NFE2L3: variants seen among roughly 807,000 people sequenced by gnomAD.
NFE2L3 encodes the protein NFE2 like bZIP transcription factor 3.
Under a neutral mutation model 23.5 loss-of-function variants are expected in NFE2L3, and 18 were observed. That is an observed-to-expected ratio of 0.77 (90% CI 0.53 to 1.13). The LOEUF (loss-of-function observed/expected upper bound fraction) is 1.13. NFE2L3 is among the 50% of genes most tolerant of loss of function. The pLI is 0.00. For missense variants in NFE2L3, 1,152 were observed against 877.2 expected (o/e 1.31, Z -3.96); for synonymous variants, 424 against 354.5 (o/e 1.20, Z -2.20).
rs1204575920 is a variant in NFE2L3, at chr7:26,159,790, C to T, written c.570+6722C>T. On this transcript the variant is annotated intron_variant, in intron 1 of 3. Transcript: ENST00000056233. ...CTTGGGATTGCCTAAAGTTATATAG[C>T]AAGTTAGTGACCTTGCTAGGAATAG... is the stretch of plus-strand genomic sequence containing the variant. Among the ~76,000 whole-genome samples, 6 of 152,116 alleles carry T rather than the reference C, an allele frequency of 3.9e-5. No homozygotes were observed. In the East Asian group the frequency reaches 1.2e-3, roughly 29 times the overall value.
chr7:26,177,949 G>T lies in NFE2L3; in HGVS notation c.577G>T (p.Gly193Trp). 2.5e-6 allele frequency: 4 copies of T among 1,611,438 alleles called. No individual in the cohort carries two copies. The highest frequency in any genetic ancestry group is 3.4e-6 in the Non-Finnish European group (4 of 1,179,166). The part of the protein sequence containing the change: ...DAGGCASEEN[G>W]VLREKHEAVD... ...AAATTTCGTACTTTTATAGGAGAAT[G>T]GGGTACTAAGAGAAAAGCACGAAGC... The change falls in exon 2 of 4, where the codon GGG becomes TGG. Residue 193 changes from glycine (G) to tryptophan (W), a missense_variant. By Grantham distance (184) the Gly-to-Trp change is radical (BLOSUM62 -2). Transcript: ENST00000056233.
chr7:26,185,110 A>G lies in NFE2L3; in HGVS notation c.1412A>G (p.Glu471Gly). ...LEGAVGGYYP[E>G]PSKLCHLDQS... is the part of the protein sequence containing the mutation. The stretch of plus-strand genomic sequence containing the variant: ...GGTGCTGTAGGTGGCTACTACCCAG[A>G]ACCCAGTAAGCTTTGTCACTTGGAT... Residue 471 changes from glutamate (E) to glycine (G), a missense_variant, in exon 4 of 4, where the codon GAA (glutamate) becomes GGA (glycine). Physicochemically the swap from Glu to Gly is moderately conservative, Grantham distance 98. Transcript: ENST00000056233. 2 of 1,613,946 alleles carry G rather than the reference A, an allele frequency of 1.2e-6. No individual in the cohort carries two copies. The highest frequency in any genetic ancestry group is 2.7e-5 in the African/African-American group (2 of 75,042).
Position 26,152,732 on chromosome 7 carries a change from C to T in NFE2L3, c.234C>T (p.Gly78=), listed in dbSNP as rs2128096609. 2.0e-6 allele frequency: 3 copies of T among 1,473,714 alleles called. No homozygotes were observed. Among genetic ancestry groups the T allele is most frequent in the Non-Finnish European group, 2.7e-6 (3 of 1,119,808 alleles). The allele number at this position is 1,473,714 out of a possible 1,614,324, so 91.3% of individuals were successfully genotyped here. A position where few individuals can be genotyped will look rare whatever the true frequency, so the allele number is the denominator to read the frequency against. Residue 78 remains glycine (G), a synonymous_variant, in exon 1 of 4, where the codon GGC becomes GGT. Transcript: ENST00000056233. The surrounding 1 kb of genome is among the most constrained non-coding windows in gnomAD (Gnocchi z 4.4). ...WGRAGHLHPK[G]RELDPAAPPE... is the part of the protein sequence containing the mutation. Reference sequence around the variant, plus strand: ...GCGCGGGCCACTTGCACCCCAAGGGCCGGGAGCTGGACCCTGCCGCGCCGC... The same window carrying T: ...GCGCGGGCCACTTGCACCCCAAGGGTCGGGAGCTGGACCCTGCCGCGCCGC...
chr7:26,167,686 G>C (rs1385083071), intron 1 of NFE2L3, among the ~76,000 whole-genome samples: 2 of 152,144 alleles, frequency 1.3e-5, no homozygotes, highest in Non-Finnish European at 2.9e-5. Flanking sequence ...AACATACTCT[G>C]TATCTCAGCT....
chr7:26,157,661 G>GCCAC (rs1784103384), intron 1 of NFE2L3, among the ~76,000 whole-genome samples: 1 of 152,168 alleles, frequency 6.6e-6, no homozygotes, highest in Non-Finnish European at 1.5e-5. Context: ...TTCACAGTGG[G>GCCAC]ATTTTCATTT....
intron 2 of NFE2L3, among the ~76,000 whole-genome samples, chr7:26,181,960 GAC>G (rs1335476840): frequency 6.6e-6 from 1 of 151,898 alleles, no homozygotes; most frequent in Non-Finnish European, 1.5e-5. Context: ...GCAAAATTGA[GAC>G]AATGATAGAA....
chr7:26,185,185 A>AT lies in NFE2L3; in HGVS notation c.1488dup (p.Asn497Ter), dbSNP rs1562680830. On this transcript the variant is annotated frameshift_variant, in exon 4 of 4. Transcript: ENST00000056233. LOFTEE classifies it low-confidence loss of function (END_TRUNC). ...GATCTTACATTTCAACACGTATTTC[A>AT]TAACCACACTTACCACTTACAGCCA... is the stretch of plus-strand genomic sequence containing the variant. The AT allele has an allele frequency of 5.0e-6, 8 of 1,613,878 alleles. No individual in the cohort carries two copies. Among genetic ancestry groups the AT allele is most frequent in the Non-Finnish European group, 6.8e-6 (8 of 1,179,848 alleles).
In NFE2L3 at chr7:26,152,440, C is replaced by T. The variant is rs914220151; in HGVS notation, c.-59C>T. 9.2e-5 allele frequency: 109 copies of T among 1,178,974 alleles called. No homozygotes were observed. Among genetic ancestry groups the T allele is most frequent in the Non-Finnish European group, 1.1e-4 (106 of 943,892 alleles). The allele number at this position is 1,178,974 out of a possible 1,614,324, so 73.0% of individuals were successfully genotyped here. ...GCGGGGTCCGCACGTGTCACCCCGGCGGCTGGGGCGCCGGGACCCGCGGGC... is the reference window on the plus strand; with the variant it reads ...GCGGGGTCCGCACGTGTCACCCCGGTGGCTGGGGCGCCGGGACCCGCGGGC... On this transcript the variant is annotated 5_prime_UTR_variant, in exon 1 of 4. Transcript: ENST00000056233. This position sits in a 1 kb window ranked among gnomAD's most constrained non-coding sequence, Gnocchi z 4.4.
At chr7:26,179,721 A>G (rs1226280096) in intron 2 of NFE2L3, among the ~76,000 whole-genome samples, 1 of 152,098 alleles carries the variant, frequency 6.6e-6, no homozygotes, top group African/African-American at 2.4e-5. Flanking sequence ...AGAAAAATCC[A>G]AAACAAAACA....
chr7:26,185,548 A>C lies in NFE2L3; in HGVS notation c.1850A>C (p.Lys617Thr), dbSNP rs76410837. 727 of 1,613,894 alleles carry C rather than the reference A, an allele frequency of 4.5e-4. 4 individuals are homozygous for C. In the East Asian group the frequency reaches 0.014, roughly 30 times the overall value. The change falls in exon 4 of 4, where the codon AAG (lysine) becomes ACG (threonine). Residue 617 changes from lysine (K) to threonine (T), a missense_variant. By Grantham distance (78) the Lys-to-Thr change is moderately conservative (BLOSUM62 -1). Transcript: ENST00000056233. ...EDDVCNLQAK[K>T]ETLKREQAQC... ...GATGTATGTAACTTGCAAGCAAAGA[A>C]GGAAACTCTTAAGAGAGAGCAAGCA... is the stretch of plus-strand genomic sequence containing the variant.
intron 1 of NFE2L3, among the ~76,000 whole-genome samples, chr7:26,160,643 T>C (rs940429438): frequency 4.6e-5 from 7 of 152,224 alleles, no homozygotes; most frequent in Admixed American, 3.3e-4. Flanking sequence ...AAACCTCAGT[T>C]TTGCTCTTAA....
chr7:26,183,800 G>A lies in NFE2L3; in HGVS notation c.834+16G>A, dbSNP rs760471005. ...TTCACTGGAGGTAATTGGAACTTTG[G>A]CTTTTATCCTCGCAGGAACATATCT... On this transcript the variant is annotated intron_variant, in intron 3 of 3. Coordinates refer to ENST00000056233, the MANE Select transcript of NFE2L3 (RefSeq NM_004289.7). 6.4e-7 allele frequency: 1 copy of A among 1,567,056 alleles called. No individual in the cohort carries two copies. The highest frequency in any genetic ancestry group is 1.3e-5 in the African/African-American group (1 of 74,108).
At chr7:26,155,334 C>T (rs747041112) in intron 1 of NFE2L3, among the ~76,000 whole-genome samples, 10 of 151,894 alleles carry the variant, frequency 6.6e-5, no homozygotes, top group Non-Finnish European at 1.2e-4. Flanking sequence ...CCCAGCTACT[C>T]GGGAGGCTGA....
Position 26,184,821 on chromosome 7 carries a change from C to T in NFE2L3, c.1123C>T (p.Leu375=). The T allele has an allele frequency of 6.2e-7, 1 of 1,613,944 alleles. No individual in the cohort carries two copies. Among genetic ancestry groups the T allele is most frequent in the East Asian group, 2.2e-5 (1 of 44,882 alleles). The change falls in exon 4 of 4, where the codon CTA becomes TTA. Residue 375 remains leucine, a synonymous_variant. Transcript: ENST00000056233. ...LSPVDNHMRN[L]TSQDLLYDLD... ...ACCGGTTGACAATCATATGAGGAAT[C>T]TAACAAGCCAAGACCTACTGTATGA...
intron 1 of NFE2L3, among the ~76,000 whole-genome samples, chr7:26,176,322 T>C (rs1784404633): frequency 6.6e-6 from 1 of 152,204 alleles, no homozygotes. Flanking sequence ...CCCCTTTTCT[T>C]TTTGACAAAA....
Position 26,186,610 on chromosome 7 carries a change from G to C in NFE2L3, c.*827G>C, listed in dbSNP as rs942061963. The C allele has an allele frequency of 6.6e-6, 1 of 152,190 alleles. No homozygotes were observed. The highest frequency in any genetic ancestry group is 2.4e-5 in the African/African-American group (1 of 41,436). 9.4% of individuals were successfully genotyped at this position (152,190 alleles called of 1,614,324 possible). ...TACTTGCAAAAACGTAACTCCTTGT[G>C]TGTATATTAAATCCATAAAATCTCT... is the stretch of plus-strand genomic sequence containing the variant. On this transcript the variant is annotated 3_prime_UTR_variant, in exon 4 of 4. Transcript: ENST00000056233.
intron 1 of NFE2L3, among the ~76,000 whole-genome samples, chr7:26,172,055 A>G (rs956189496): frequency 1.3e-5 from 2 of 152,268 alleles, no homozygotes; most frequent in Admixed American, 6.5e-5. Context: ...ATTATTTAGC[A>G]TTATTTGGGA....
chr7:26,161,671 A>G (rs1463140943), intron 1 of NFE2L3, among the ~76,000 whole-genome samples: 3 of 152,176 alleles, frequency 2.0e-5, no homozygotes, highest in African/African-American at 7.2e-5. Context: ...AAACTGGGCC[A>G]AAGTGACTTA....
At chr7:26,184,252 C>CAAATTACAAGATTGTAACAT in intron 3 of NFE2L3, 1 of 391,506 alleles carries the variant, frequency 2.6e-6, no homozygotes, top group Non-Finnish European at 4.6e-6. Context: ...TATAAAGTAG[C>CAAATTACAAGATTGTAACAT]AAATTACAAG....
Sources: gnomAD v4.1 joint callset for allele counts (sites outside exome capture counted in the v4.1 genomes callset) on GRCh38, gnomAD v4.1.1 for gene constraint, Gnocchi (gnomAD v3.1) non-coding constraint, MANE v1.5 for transcripts, NCBI Gene and HGNC (gene_info 2026-07-23, HGNC 2026-07-21) for gene names.